Variants in TRAF3IP1 observed in about 807,000 individuals in gnomAD.
TRAF3IP1 encodes the protein intraflagellar transport 54, also known as TRAF3-interacting protein 1.
TRAF3IP1 carries 53 observed loss-of-function variants against 89.9 expected under a neutral mutation model. The observed-to-expected ratio is 0.59, with a 90% CI of 0.47 to 0.74. TRAF3IP1 has a LOEUF of 0.74. TRAF3IP1 is among the 30% of genes least tolerant of loss of function. The pLI, the probability that TRAF3IP1 is intolerant of heterozygous loss-of-function variation, is 0.00. For synonymous variants in TRAF3IP1, 311 were observed against 322.1 expected, an observed-to-expected ratio of 0.97 and a Z score of 0.37; for missense variants, 806 against 866.1, an observed-to-expected ratio of 0.93 and a Z score of 0.87.
chr2:238,340,387 C>T (rs1698585015), intron 8 of TRAF3IP1, among the ~76,000 whole-genome samples: 1 of 152,138 alleles, frequency 6.6e-6, no homozygotes, highest in African/African-American at 2.4e-5. Context: ...CAAAGCCGGC[C>T]TTTGTTGCAC....
chr2:238,355,890 C>T (rs1375859788), intron 14 of TRAF3IP1, 114 bp from the exon 15 acceptor site: 2 of 737,462 alleles, frequency 2.7e-6, no homozygotes, highest in Non-Finnish European at 4.7e-6. Context: ...ACTGTTTCAG[C>T]ATAAAAAGAG....
chr2:238,344,883 T>C (rs995624610), intron 9 of TRAF3IP1, among the ~76,000 whole-genome samples: 2 of 152,186 alleles, frequency 1.3e-5, no homozygotes, highest in East Asian at 3.8e-4. Flanking sequence ...CTGAAAAGTT[T>C]CGGGGTCACT....
intron 15 of TRAF3IP1, among the ~76,000 whole-genome samples, chr2:238,395,531 T>C (rs1207545282): frequency 6.6e-6 from 1 of 151,888 alleles, no homozygotes; most frequent in Non-Finnish European, 1.5e-5. Context: ...AATTGACAAA[T>C]GGGATCTAAT....
At chr2:238,373,377 T>G (rs1700186917) in intron 15 of TRAF3IP1, among the ~76,000 whole-genome samples, 1 of 152,244 alleles carries the variant, frequency 6.6e-6, no homozygotes, top group Admixed American at 6.5e-5. Flanking sequence ...CAGCACCATT[T>G]ATTAAATAGG....
intron 6 of TRAF3IP1, 135 bp from the exon 7 acceptor site, chr2:238,333,825 A>C (rs1238661976): frequency 1.4e-6 from 1 of 697,922 alleles, no homozygotes; most frequent in Non-Finnish European, 2.4e-6. Context: ...AGTAGTATTG[A>C]GTTTTTAAAG....
chr2:238,339,314 G>A (rs758582986), intron 8 of TRAF3IP1, among the ~76,000 whole-genome samples: 8 of 152,222 alleles, frequency 5.3e-5, no homozygotes, highest in Non-Finnish European at 8.8e-5. Context: ...ATGGGATGGC[G>A]GAGGAAAAGG....
At chr2:238,347,581 G>C (rs1296434242) in intron 10 of TRAF3IP1, 106 bp downstream of exon 10, 4 of 1,123,154 alleles carry the variant, frequency 3.6e-6, no homozygotes, top group African/African-American at 1.6e-5. Context: ...ATTAGTGAAA[G>C]TAACTTATTT....
chr2:238,356,857 C>A (rs542254544), intron 15 of TRAF3IP1, among the ~76,000 whole-genome samples: 358 of 151,554 alleles, frequency 2.4e-3, no homozygotes, highest in African/African-American at 8.3e-3. Flanking sequence ...CGGCTCACTG[C>A]AAGCTCCGCC....
intron 7 of TRAF3IP1, among the ~76,000 whole-genome samples, chr2:238,335,769 TA>T (rs1424206137): frequency 2.9e-3 from 22 of 7,578 alleles, no homozygotes; most frequent in South Asian, 9.4e-3. Context: ...TATTTTATTT[TA>T]TTTATTTATT....
intron 9 of TRAF3IP1, chr2:238,344,799 C>T: frequency 1.5e-6 from 1 of 676,822 alleles, no homozygotes; most frequent in South Asian, 1.5e-5. Context: ...GGGACCCACT[C>T]GTGTGCTCCC....
At position 238,363,479 on chromosome 2, in the gene TRAF3IP1, A is replaced by G. The variant is rs867065024; in HGVS notation, c.1689+7399A>G. On this transcript the variant is annotated intron_variant, in intron 15 of 16. Transcript: ENST00000373327. ...TAGTTTTTTACACATAAAGATTTTT[A>G]AAAGTCTTTTTAATGATAATATCTA... 2.0e-5 allele frequency among the ~76,000 whole-genome samples: 3 copies of G among 152,164 alleles called. No homozygotes were observed. The South Asian group carries it at 6.2e-4, about 31-fold the overall frequency.
At chr2:238,323,244 A>G (rs1465037104) in intron 1 of TRAF3IP1, among the ~76,000 whole-genome samples, 2 of 152,126 alleles carry the variant, frequency 1.3e-5, no homozygotes, top group Non-Finnish European at 2.9e-5. Flanking sequence ...ATGTCCAGCT[A>G]ATTTTTCTAT....
Position 238,399,131 on chromosome 2 carries a change from C to G in TRAF3IP1, c.*212C>G. On this transcript the variant is annotated 3_prime_UTR_variant, in exon 17 of 17. Coordinates refer to ENST00000373327, the MANE Select transcript of TRAF3IP1 (RefSeq NM_015650.4). ...TACCTCCTTCCAGATGGAATACTGG[C>G]TAGTTATAAATAGCGCTTCCAAACA... 1 of 489,304 alleles carries G rather than the reference C, an allele frequency of 2.0e-6. No homozygotes were observed. The allele number at this position is 489,304 out of a possible 1,614,324, so 30.3% of individuals were successfully genotyped here.
At chr2:238,375,444 G>A (rs751680806) in intron 15 of TRAF3IP1, among the ~76,000 whole-genome samples, 3 of 152,228 alleles carry the variant, frequency 2.0e-5, no homozygotes, top group Non-Finnish European at 2.9e-5. Flanking sequence ...TCGGTTTTGA[G>A]TGAGTTTCTT....
chr2:238,394,580 C>G (rs1701131185), intron 15 of TRAF3IP1, among the ~76,000 whole-genome samples: 1 of 152,074 alleles, frequency 6.6e-6, no homozygotes, highest in Non-Finnish European at 1.5e-5. Context: ...TTGCAGTGTC[C>G]ATGTTTTCAT....
chr2:238,365,939 A>G (rs1699854471), intron 15 of TRAF3IP1, among the ~76,000 whole-genome samples: 1 of 152,160 alleles, frequency 6.6e-6, no homozygotes, highest in Non-Finnish European at 1.5e-5. Context: ...TTACCACCCC[A>G]TTATCTTATA....
chr2:238,398,919 A>G lies in TRAF3IP1; in HGVS notation c.2076A>G (p.Ter692TrpextTer26). ...VYSINLTSRR[*>W] ...GTATCAATTTGACTTCGAGAAGGTG[A>G]ACACTCAAAAGTTTCAGAGATGAAA... is the stretch of plus-strand genomic sequence containing the variant. Residue 692 changes from the stop codon to tryptophan, a stop_lost, in exon 17 of 17, where the codon TGA (stop) becomes TGG (tryptophan). Coordinates refer to ENST00000373327, the MANE Select transcript of TRAF3IP1 (RefSeq NM_015650.4). 2 of 1,595,792 alleles carry G rather than the reference A, an allele frequency of 1.3e-6. No homozygotes were observed. The highest frequency in any genetic ancestry group is 1.7e-6 in the Non-Finnish European group (2 of 1,175,254).
At chr2:238,342,196 C>G (rs1256185359) in intron 8 of TRAF3IP1, among the ~76,000 whole-genome samples, 1 of 152,074 alleles carries the variant, frequency 6.6e-6, no homozygotes, top group Admixed American at 6.5e-5. Context: ...ACCATGTTGG[C>G]CAGACTGGTC....
chr2:238,322,131 C>T (rs964133196), intron 1 of TRAF3IP1, among the ~76,000 whole-genome samples: 1 of 152,098 alleles, frequency 6.6e-6, no homozygotes, highest in African/African-American at 2.4e-5. Flanking sequence ...GGACAATGTG[C>T]CGCATCACCA....
Sources: allele counts gnomAD v4.1 joint callset (sites outside exome capture counted in the v4.1 genomes callset), GRCh38; gene constraint gnomAD v4.1.1; transcripts MANE v1.5; gene names NCBI Gene and HGNC (gene_info 2026-07-23, HGNC 2026-07-21).